Variants in PID1 observed in about 807,000 individuals in gnomAD.
PID1 encodes the protein phosphotyrosine interaction domain containing 1.
A neutral mutation model predicts 19.1 loss-of-function variants in PID1; 10 were observed. That is an observed-to-expected ratio of 0.52 (90% CI 0.32 to 0.89). The LOEUF is 0.89. Ranked by LOEUF, PID1 falls within the 40% of genes least tolerant of loss-of-function variation. The pLI, the probability that PID1 is intolerant of heterozygous loss-of-function variation, is 0.03. For missense variants in PID1, 248 were observed against 285.3 expected (o/e 0.87, Z 0.94); for synonymous variants, 130 against 116.0 (o/e 1.12, Z -0.78).
intron 2 of PID1, among the ~76,000 whole-genome samples, chr2:229,047,873 C>T (rs1286479949): frequency 1.3e-5 from 2 of 152,198 alleles, no homozygotes; most frequent in Admixed American, 6.5e-5. Context: ...TTTTGAATGG[C>T]TTGGCTTTAA....
intron 2 of PID1, among the ~76,000 whole-genome samples, chr2:229,146,345 G>A (rs1197279538): frequency 6.6e-6 from 1 of 152,176 alleles, no homozygotes; most frequent in Non-Finnish European, 1.5e-5. Context: ...GGGGCAAGGG[G>A]AGGGAGATAA....
intron 1 of PID1, among the ~76,000 whole-genome samples, chr2:229,218,533 G>A (rs182636380): frequency 6.6e-6 from 1 of 152,234 alleles, no homozygotes; most frequent in African/African-American, 2.4e-5. Flanking sequence ...CAAAACCAGG[G>A]TCAGCAATTA....
At chr2:229,071,962 A>G (rs896970410) in intron 2 of PID1, among the ~76,000 whole-genome samples, 2 of 152,346 alleles carry the variant, frequency 1.3e-5, no homozygotes, top group African/African-American at 4.8e-5. Flanking sequence ...CAGACATAAT[A>G]TAGAAATTTT....
rs1690499905 is a variant in PID1 at position 229,263,009 on chromosome 2, C to T, written c.30+8005G>A. On this transcript the variant is annotated intron_variant, in intron 1 of 2. Transcript: ENST00000392055. ...CCAAATAAAGCTACATTCACAGGTA[C>T]CAGGGGTTAAGACTTCAACACATCT... 17 of 1,040,240 alleles carry T rather than the reference C, an allele frequency of 1.6e-5. No homozygotes were observed. In the South Asian group the frequency reaches 3.6e-4, roughly 22 times the overall value. The allele number at this position is 1,040,240 out of a possible 1,614,324, so 64.4% of individuals were successfully genotyped here. A position where few individuals can be genotyped will look rare whatever the true frequency, so the allele number is the denominator to read the frequency against.
In PID1 at chr2:229,024,888, G is replaced by A. The variant is rs1693376443; in HGVS notation, c.*744C>T. On this transcript the variant is annotated 3_prime_UTR_variant, in exon 3 of 3. Coordinates refer to ENST00000392055, the MANE Select transcript of PID1 (RefSeq NM_001100818.2). Reference sequence around the variant, plus strand: ...TTTGGTGTCCTGCAACATATGCTGAGATTTCATCCCTCTAAGGATGTTAGA... The same window carrying A: ...TTTGGTGTCCTGCAACATATGCTGAAATTTCATCCCTCTAAGGATGTTAGA... The A allele has an allele frequency of 6.6e-6, 1 of 152,640 alleles. No individual in the cohort carries two copies. The highest frequency in any genetic ancestry group is 6.5e-5 in the Admixed American group (1 of 15,282). The allele number at this position is 152,640 out of a possible 1,614,324, so 9.5% of individuals were successfully genotyped here.
chr2:229,156,244 A>G (rs1251442048), intron 1 of PID1, among the ~76,000 whole-genome samples: 2 of 152,238 alleles, frequency 1.3e-5, no homozygotes, highest in Non-Finnish European at 2.9e-5. Context: ...AGCTCTTCCA[A>G]CGTACTGTAT....
Position 229,025,250 on chromosome 2 carries a change from C to G in PID1, c.*382G>C, listed in dbSNP as rs1397961518. ...CTAGAGATCCCATAGGTGCCCCTAACATTCTTGTGGAATTTCATAAGGCAG... is the reference window on the plus strand; with the variant it reads ...CTAGAGATCCCATAGGTGCCCCTAAGATTCTTGTGGAATTTCATAAGGCAG... On this transcript the variant is annotated 3_prime_UTR_variant, in exon 3 of 3. Coordinates refer to ENST00000392055, the MANE Select transcript of PID1 (RefSeq NM_001100818.2). 4.9e-6 allele frequency: 1 copy of G among 203,120 alleles called. No homozygotes were observed. The highest frequency in any genetic ancestry group is 1.2e-4 in the East Asian group (1 of 8,002). 12.6% of individuals were successfully genotyped at this position (203,120 alleles called of 1,614,324 possible).
At chr2:229,157,784 C>T (rs182832892) in intron 1 of PID1, among the ~76,000 whole-genome samples, 163 of 152,278 alleles carry the variant, frequency 1.1e-3, no homozygotes, top group Non-Finnish European at 1.4e-3. Context: ...ATCATGGAAT[C>T]CTATCACATC....
chr2:229,251,651 G>C (rs1690153424), intron 1 of PID1, among the ~76,000 whole-genome samples: 2 of 152,086 alleles, frequency 1.3e-5, no homozygotes, highest in Non-Finnish European at 2.9e-5. Context: ...AAAATAATTT[G>C]CTCTATCACA....
intron 2 of PID1, among the ~76,000 whole-genome samples, chr2:229,089,456 G>A (rs1694828415): frequency 6.6e-6 from 1 of 152,146 alleles, no homozygotes; most frequent in Non-Finnish European, 1.5e-5. Context: ...AAATAATCAA[G>A]TCATTGGAAT....
At chr2:229,192,281 T>C (rs1315161899) in intron 1 of PID1, among the ~76,000 whole-genome samples, 2 of 152,298 alleles carry the variant, frequency 1.3e-5, no homozygotes, top group East Asian at 1.9e-4. Flanking sequence ...GTCACTAGTA[T>C]GTTCCCATTT....
chr2:229,185,697 G>C (rs1691115116), intron 1 of PID1, among the ~76,000 whole-genome samples: 1 of 152,076 alleles, frequency 6.6e-6, no homozygotes. Flanking sequence ...CACAAGAATA[G>C]CACAGGAAAG....
intron 2 of PID1, among the ~76,000 whole-genome samples, chr2:229,116,332 G>C (rs1232237186): frequency 6.6e-6 from 1 of 152,198 alleles, no homozygotes; most frequent in East Asian, 1.9e-4. Flanking sequence ...TTATGCTTTA[G>C]TGTTTCATCC....
At chr2:229,082,922 A>G (rs2106212128) in intron 2 of PID1, among the ~76,000 whole-genome samples, 1 of 152,312 alleles carries the variant, frequency 6.6e-6, no homozygotes, top group South Asian at 2.1e-4. Flanking sequence ...TTAATTTGTT[A>G]TAGTGGCAAT....
intron 1 of PID1, among the ~76,000 whole-genome samples, chr2:229,258,231 G>A (rs1690356815): frequency 6.6e-6 from 1 of 152,170 alleles, no homozygotes; most frequent in Non-Finnish European, 1.5e-5. Flanking sequence ...CCAGAATGAG[G>A]AAGAATCAAC....
At chr2:229,027,807 C>T (rs1014469211) in intron 2 of PID1, among the ~76,000 whole-genome samples, 3 of 152,202 alleles carry the variant, frequency 2.0e-5, no homozygotes, top group Non-Finnish European at 4.4e-5. Context: ...GGAGCAGAAG[C>T]CGTGTAAGAG....
chr2:229,261,009 T>C (rs1690450735), intron 1 of PID1, among the ~76,000 whole-genome samples: 1 of 152,110 alleles, frequency 6.6e-6, no homozygotes, highest in East Asian at 1.9e-4. Context: ...GCTCAACCAC[T>C]AACCCAATAT....
rs1176322752 is a variant in PID1 at position 229,108,263 on chromosome 2, A to AT, written c.177+47554dup. On this transcript the variant is annotated intron_variant, in intron 2 of 2. Transcript: ENST00000392055. ...TCTTTTTCAGCTGTGGCTTTAATGT[A>AT]TTTTTTAACTCAGTTTATTAGTTTA... is the stretch of plus-strand genomic sequence containing the variant. Among the ~76,000 whole-genome samples the AT allele has an allele frequency of 6.6e-5, 10 of 152,292 alleles. No individual in the cohort carries two copies. The South Asian group carries it at 2.1e-3, about 32-fold the overall frequency.
chr2:229,157,546 C>T (rs970121694), intron 1 of PID1, among the ~76,000 whole-genome samples: 5 of 152,076 alleles, frequency 3.3e-5, no homozygotes, highest in Non-Finnish European at 7.4e-5. Context: ...TGTGTGCATC[C>T]CCCATCCTTA....
Sources: allele counts gnomAD v4.1 joint callset (sites outside exome capture counted in the v4.1 genomes callset), GRCh38; gene constraint gnomAD v4.1.1; transcripts MANE v1.5; gene names NCBI Gene and HGNC (gene_info 2026-07-23, HGNC 2026-07-21).